Variants in SNX9 observed in about 807,000 individuals in gnomAD.
The protein encoded by SNX9 is sorting nexin 9, also known as sorting nexin-9.
In SNX9, 44 loss-of-function variants were observed where a neutral mutation model predicts 89.4. The ratio of observed to expected loss-of-function variants is 0.49; its 90% CI spans 0.39 to 0.63. The LOEUF (loss-of-function observed/expected upper bound fraction) is 0.63. SNX9 is among the 30% of genes least tolerant of loss of function. The pLI is 0.00. For synonymous variants in SNX9, 236 were observed against 247.8 expected, an observed-to-expected ratio of 0.95 and a Z score of 0.45; for missense variants, 578 against 736.1, an observed-to-expected ratio of 0.79 and a Z score of 2.49.
intron 1 of SNX9, among the ~76,000 whole-genome samples, chr6:157,864,159 T>C (rs1291870051): frequency 6.6e-6 from 1 of 152,156 alleles, no homozygotes; most frequent in African/African-American, 2.4e-5. Context: ...GCTTCCAAGA[T>C]GGCGCCTTGA....
chr6:157,824,265 C>T (rs1348268789), intron 1 of SNX9, among the ~76,000 whole-genome samples: 1 of 152,230 alleles, frequency 6.6e-6, no homozygotes, highest in African/African-American at 2.4e-5. Flanking sequence ...CCCTCCCCCG[C>T]TCCTTTTCCT....
In SNX9 at chr6:157,823,261, C is replaced by T. The variant is rs1781269488; in HGVS notation, c.-174C>T. On this transcript the variant is annotated 5_prime_UTR_variant, in exon 1 of 18. Transcript: ENST00000392185. This position sits in a 1 kb window ranked among gnomAD's most constrained non-coding sequence, Gnocchi z 4.6. The stretch of plus-strand genomic sequence containing the variant: ...CGTGCGGCGCGGGAGTAGCCGAGCG[C>T]CCAGCGGCTGGGCCTGAGCGTCGAG... 4 of 353,500 alleles carry T rather than the reference C, an allele frequency of 1.1e-5. No homozygotes were observed. The highest frequency in any genetic ancestry group is 1.8e-5 in the Non-Finnish European group (4 of 222,788). The allele number at this position is 353,500 out of a possible 1,614,324, so 21.9% of individuals were successfully genotyped here. A position where few individuals can be genotyped will look rare whatever the true frequency, so the allele number is the denominator to read the frequency against.
At chr6:157,927,869 T>G (rs1449514833) in intron 11 of SNX9, among the ~76,000 whole-genome samples, 1 of 151,776 alleles carries the variant, frequency 6.6e-6, no homozygotes, top group African/African-American at 2.4e-5. Context: ...TGGGACTACA[T>G]AATTTTAAGC....
chr6:157,823,310 GGCCGCCGCGCCGGGGCCCAGCCGGAGCC>G lies in SNX9; in HGVS notation c.-118_-91del, dbSNP rs1457326548. The G allele has an allele frequency of 2.4e-6, 2 of 837,496 alleles. No individual in the cohort carries two copies. Among genetic ancestry groups the G allele is most frequent in the South Asian group, 4.1e-5 (1 of 24,452 alleles). 51.9% of individuals were successfully genotyped at this position (837,496 alleles called of 1,614,324 possible). On this transcript the variant is annotated 5_prime_UTR_variant, in exon 1 of 18. Coordinates refer to ENST00000392185, the MANE Select transcript of SNX9 (RefSeq NM_016224.5). The surrounding 1 kb of genome is among the most constrained non-coding windows in gnomAD (Gnocchi z 4.6). ...AGACTCGGGGCCGAGGCGGAGGAGC[GGCCGCCGCGCCGGGGCCCAGCCGGAGCC>G]GCCGCCCTCGCCCTTGCCTTTGCCT...
chr6:157,847,148 G>C lies in SNX9; in HGVS notation c.13-20399G>C, dbSNP rs1358683769. Among the ~76,000 whole-genome samples the C allele has an allele frequency of 1.3e-5, 2 of 152,162 alleles. 1 individual carries two copies. Among genetic ancestry groups the C allele is most frequent in the Non-Finnish European group, 2.9e-5 (2 of 68,032 alleles). On this transcript the variant is annotated intron_variant, in intron 1 of 17. Transcript: ENST00000392185. ...GACAGGGTCTGGCTCTGTCTCCCAA[G>C]CTAGAATGCAGTAGCATGATACCAG... is the stretch of plus-strand genomic sequence containing the variant.
intron 4 of SNX9, among the ~76,000 whole-genome samples, chr6:157,895,198 C>T (rs1261731723): frequency 6.6e-6 from 1 of 152,214 alleles, no homozygotes; most frequent in African/African-American, 2.4e-5. Flanking sequence ...CTGTGGGACA[C>T]AGTTTGTGCA....
At chr6:157,833,755 C>A (rs1781518634) in intron 1 of SNX9, among the ~76,000 whole-genome samples, 1 of 152,186 alleles carries the variant, frequency 6.6e-6, no homozygotes, top group African/African-American at 2.4e-5. Flanking sequence ...AACCATGACT[C>A]AGATTTTAGA....
At chr6:157,941,224 G>T (rs1784028942) in intron 17 of SNX9, among the ~76,000 whole-genome samples, 1 of 152,164 alleles carries the variant, frequency 6.6e-6, no homozygotes, top group African/African-American at 2.4e-5. Flanking sequence ...GCCCCAAGAA[G>T]TTCCTTATTG....
chr6:157,886,951 C>T (rs906408282), intron 4 of SNX9, among the ~76,000 whole-genome samples: 1 of 152,024 alleles, frequency 6.6e-6, no homozygotes, highest in African/African-American at 2.4e-5. Context: ...TGAAACCTCT[C>T]TTGCTCTTAA....
intron 9 of SNX9, among the ~76,000 whole-genome samples, chr6:157,919,464 TCTG>T (rs3047738): frequency 0.22 from 32,812 of 152,012 alleles, 3,582 homozygotes; most frequent in Non-Finnish European, 0.23. Flanking sequence ...TTTTTTTTCT[TCTG>T]CTACCTTAAA....
At chr6:157,894,584 G>A (rs756711660) in intron 4 of SNX9, among the ~76,000 whole-genome samples, 4 of 151,830 alleles carry the variant, frequency 2.6e-5, no homozygotes, top group Non-Finnish European at 5.9e-5. Flanking sequence ...TTGAGATTGG[G>A]TGCCATCTAT....
intron 1 of SNX9, among the ~76,000 whole-genome samples, chr6:157,851,925 G>A (rs1027176106): frequency 2.0e-5 from 3 of 152,142 alleles, no homozygotes; most frequent in East Asian, 1.9e-4. Context: ...TTCAATTAGC[G>A]TAATGTTTTC....
At chr6:157,925,480 A>T (rs773446098) in intron 10 of SNX9, among the ~76,000 whole-genome samples, 1 of 152,080 alleles carries the variant, frequency 6.6e-6, no homozygotes, top group South Asian at 2.1e-4. Context: ...ACTCCTGGAT[A>T]TGTACTGAAT....
chr6:157,869,381 C>T (rs1358756505), intron 2 of SNX9, among the ~76,000 whole-genome samples: 1 of 152,202 alleles, frequency 6.6e-6, no homozygotes, highest in Non-Finnish European at 1.5e-5. Flanking sequence ...TTCACAAGCA[C>T]TTCACACTGA....
rs539895568 is a variant in SNX9 at position 157,918,909 on chromosome 6, T to A, written c.950-2622T>A. ...TTTATGCCATTATTTTTATATATAT[T>A]ACATCTGTATGTTATGAATCCAACA... On this transcript the variant is annotated intron_variant, in intron 9 of 17. Transcript: ENST00000392185. Among the ~76,000 whole-genome samples, 3 of 152,264 alleles carry A rather than the reference T, an allele frequency of 2.0e-5. No individual in the cohort carries two copies. The South Asian group carries it at 6.2e-4, about 32-fold the overall frequency.
chr6:157,898,250 G>T (rs928515847), intron 5 of SNX9, among the ~76,000 whole-genome samples: 5 of 152,190 alleles, frequency 3.3e-5, no homozygotes, highest in African/African-American at 1.2e-4. Flanking sequence ...ATTGTAGATG[G>T]TCATTAACTC....
intron 1 of SNX9, among the ~76,000 whole-genome samples, chr6:157,858,099 G>A (rs1782047799): frequency 6.6e-6 from 1 of 152,070 alleles, no homozygotes; most frequent in Non-Finnish European, 1.5e-5. Flanking sequence ...AGGTTCAGTG[G>A]TAGCACAGGT....
chr6:157,896,232 C>A (rs531934492), intron 4 of SNX9, among the ~76,000 whole-genome samples: 2 of 152,090 alleles, frequency 1.3e-5, no homozygotes, highest in African/African-American at 2.4e-5. Context: ...GGATGTTAGG[C>A]GTATTTCTCA....
intron 4 of SNX9, chr6:157,884,970 T>C (rs1256751257): frequency 1.3e-5 from 2 of 152,318 alleles, no homozygotes; most frequent in Non-Finnish European, 2.9e-5. Flanking sequence ...TGGACTTCTC[T>C]TAGGTCTGTC....
Sources: allele counts gnomAD v4.1 joint callset (sites outside exome capture counted in the v4.1 genomes callset), GRCh38; gene constraint gnomAD v4.1.1; non-coding constraint Gnocchi (gnomAD v3.1); transcripts MANE v1.5; gene names NCBI Gene and HGNC (gene_info 2026-07-23, HGNC 2026-07-21).